The following PPARGC1A variants were observed in gnomAD, a reference collection of about 807,000 sequenced individuals.
The protein encoded by PPARGC1A is PPARG coactivator 1 alpha.
A neutral mutation model predicts 88.7 loss-of-function variants in PPARGC1A; 25 were observed. That is an observed-to-expected ratio of 0.28 (90% CI 0.21 to 0.39). PPARGC1A has a LOEUF of 0.39. Ranked by LOEUF, PPARGC1A falls within the 10% of genes least tolerant of loss-of-function variation. The pLI, the probability that PPARGC1A is intolerant of heterozygous loss-of-function variation, is 1.00. For missense variants in PPARGC1A, 880 were observed against 968.7 expected, an observed-to-expected ratio of 0.91 and a Z score of 1.22; for synonymous variants, 363 against 355.6, an observed-to-expected ratio of 1.02 and a Z score of -0.24.
the PPARGC1A span, among the ~76,000 whole-genome samples, chr4:24,366,526 A>G: frequency 6.6e-6 from 1 of 152,162 alleles, no homozygotes; most frequent in Admixed American, 6.5e-5. Flanking sequence ...CCTCCCCACA[A>G]CACAACCAAC....
chr4:24,369,997 AGGCTT>A, the PPARGC1A span, among the ~76,000 whole-genome samples: 1 of 152,238 alleles, frequency 6.6e-6, no homozygotes, highest in South Asian at 2.1e-4. Flanking sequence ...TCAAAGAGAA[AGGCTT>A]GGCTTGGGGA....
chr4:24,098,694 T>G, the PPARGC1A span, among the ~76,000 whole-genome samples: 1 of 152,356 alleles, frequency 6.6e-6, no homozygotes, highest in South Asian at 2.1e-4. Flanking sequence ...AATTACTGCA[T>G]GGCATTACTA....
At chr4:23,941,570 C>T in the PPARGC1A span, among the ~76,000 whole-genome samples, 4 of 152,170 alleles carry the variant, frequency 2.6e-5, no homozygotes, top group Non-Finnish European at 4.4e-5. Context: ...CAGTTTATTT[C>T]ATTTCACATA....
chr4:24,144,142 C>A, the PPARGC1A span, among the ~76,000 whole-genome samples: 3 of 152,136 alleles, frequency 2.0e-5, no homozygotes, highest in Admixed American at 2.0e-4. Flanking sequence ...TAAACAATTG[C>A]AATATAGAGA....
chr4:23,999,643 C>T, the PPARGC1A span, among the ~76,000 whole-genome samples: 1 of 152,170 alleles, frequency 6.6e-6, no homozygotes, highest in Non-Finnish European at 1.5e-5. Context: ...TGTCACTTGT[C>T]ATTGGCAGGT....
chr4:24,437,828 G>T, the PPARGC1A span, among the ~76,000 whole-genome samples: 1 of 150,014 alleles, frequency 6.7e-6, no homozygotes, highest in African/African-American at 2.5e-5. Context: ...TAGTTTTTTT[G>T]TTTCTTTTGG....
chr4:24,168,611 T>TCACACA, the PPARGC1A span, among the ~76,000 whole-genome samples: 1 of 145,026 alleles, frequency 6.9e-6, no homozygotes, highest in East Asian at 2.0e-4. Flanking sequence ...GAGGAAGAGC[T>TCACACA]CACACACACA....
At chr4:24,207,317 CA>C in the PPARGC1A span, among the ~76,000 whole-genome samples, 1 of 152,176 alleles carries the variant, frequency 6.6e-6, no homozygotes, top group African/African-American at 2.4e-5. Flanking sequence ...TACTTATGTA[CA>C]CACCTCTCTA....
chr4:23,940,874 A>G, the PPARGC1A span, among the ~76,000 whole-genome samples: 1 of 152,094 alleles, frequency 6.6e-6, no homozygotes, highest in Non-Finnish European at 1.5e-5. Flanking sequence ...AGACTCTACA[A>G]AAAAAATTTA....
chr4:24,416,486 G>A, the PPARGC1A span, among the ~76,000 whole-genome samples: 4 of 152,194 alleles, frequency 2.6e-5, no homozygotes, highest in African/African-American at 9.6e-5. Flanking sequence ...GGGAATGGGA[G>A]AGAAGGGCTG....
chr4:24,284,750 C>T, the PPARGC1A span, among the ~76,000 whole-genome samples: 26 of 152,140 alleles, frequency 1.7e-4, no homozygotes, highest in Admixed American at 1.2e-3. Context: ...AGAAGAAGCC[C>T]GGGCACGGTG....
the PPARGC1A span, among the ~76,000 whole-genome samples, chr4:24,123,559 G>A: frequency 1.6e-4 from 24 of 152,008 alleles, no homozygotes; most frequent in Non-Finnish European, 2.6e-4. Flanking sequence ...CGTTCTTGTC[G>A]GGACTGAGGT....
the PPARGC1A span, among the ~76,000 whole-genome samples, chr4:23,916,966 G>A: frequency 6.6e-6 from 1 of 152,158 alleles, no homozygotes; most frequent in African/African-American, 2.4e-5. Flanking sequence ...TACTGAGTCA[G>A]AACTAGGGGA....
intron 2 of PPARGC1A, among the ~76,000 whole-genome samples, chr4:23,869,874 C>A (rs1001057256): frequency 6.6e-6 from 1 of 152,110 alleles, no homozygotes; most frequent in Non-Finnish European, 1.5e-5. Flanking sequence ...TTAACGATAA[C>A]TCTACTGAGC....
the PPARGC1A span, among the ~76,000 whole-genome samples, chr4:23,910,325 T>TATTATATATTATATATATATTA: frequency 2.2e-5 from 1 of 45,230 alleles, no homozygotes; most frequent in African/African-American, 1.6e-4. Flanking sequence ...ATTATATATA[T>TATTATATATTATATATATATTA]TATATATTAT....
At chr4:24,221,049 A>AT in the PPARGC1A span, among the ~76,000 whole-genome samples, 7 of 152,188 alleles carry the variant, frequency 4.6e-5, no homozygotes, top group Middle Eastern at 3.2e-3. Flanking sequence ...ATTTTTTTAA[A>AT]TTTTTACACA....
At chr4:24,327,680 C>T in the PPARGC1A span, among the ~76,000 whole-genome samples, 2 of 151,696 alleles carry the variant, frequency 1.3e-5, no homozygotes, top group Non-Finnish European at 3.0e-5. Context: ...ACTCTACGTT[C>T]CCATACCGCC....
chr4:24,463,440 G>C, the PPARGC1A span, among the ~76,000 whole-genome samples: 6 of 152,012 alleles, frequency 3.9e-5, no homozygotes, highest in Non-Finnish European at 5.9e-5. Context: ...TTTTCCCTGG[G>C]GACATTTAAA....
At chr4:23,923,116 GT>G in the PPARGC1A span, among the ~76,000 whole-genome samples, 92,330 of 131,598 alleles carry the variant, frequency 0.7, 30,726 homozygotes, top group African/African-American at 0.76. Flanking sequence ...TTTGTTGCTT[GT>G]TTTTTTTTTT....
Sources: allele counts gnomAD v4.1 joint callset (sites outside exome capture counted in the v4.1 genomes callset), GRCh38; gene constraint gnomAD v4.1.1; transcripts MANE v1.5; gene names NCBI Gene and HGNC (gene_info 2026-07-23, HGNC 2026-07-21).